Variants in TSC2 observed in about 807,000 individuals in gnomAD.
The protein encoded by TSC2 is tuberin.
Under a neutral mutation model 202.2 loss-of-function variants are expected in TSC2, and 29 were observed. The ratio of observed to expected loss-of-function variants is 0.14; its 90% CI spans 0.11 to 0.20. TSC2 has a LOEUF of 0.20. TSC2 is among the 10% of genes least tolerant of loss of function. The probability of loss-of-function intolerance (pLI) is 1.00; values close to 1 mark genes in which losing one functional copy is unlikely to be tolerated. For synonymous variants in TSC2, 1,349 were observed against 1,044.0 expected (o/e 1.29, Z -5.63); for missense variants, 2,429 against 2,420.0 (o/e 1.00, Z -0.08).
intron 26 of TSC2, 62 bp downstream of exon 26, chr16:2,077,788 G>A (rs1313518340): frequency 2.9e-5 from 46 of 1,602,994 alleles, no homozygotes; most frequent in Admixed American, 6.7e-5. Flanking sequence ...GCACCTGGGT[G>A]GCAGTGCATG....
At chr16:2,072,701 G>A (rs2088656309) in intron 20 of TSC2, 148 bp from the exon 21 acceptor site, 1 of 1,331,192 alleles carries the variant, frequency 7.5e-7, no homozygotes, top group African/African-American at 1.5e-5. Context: ...CTCCGAAAGG[G>A]AGGCCCTTCC....
intron 26 of TSC2, 70 bp from the exon 27 acceptor site, chr16:2,078,962 G>T (rs1444979905): frequency 1.9e-6 from 3 of 1,601,334 alleles, no homozygotes; most frequent in Middle Eastern, 1.7e-4. Context: ...TTGAGCTTTG[G>T]CCCTTGGTGA....
chr16:2,064,497 C>G, intron 15 of TSC2, 70 bp downstream of exon 15: 3 of 1,606,298 alleles, frequency 1.9e-6, no homozygotes, highest in Non-Finnish European at 2.5e-6. Flanking sequence ...GGCCTCTGGG[C>G]CCTCTGTCCT....
chr16:2,070,052 G>C (rs571198732), intron 16 of TSC2, among the ~76,000 whole-genome samples: 9 of 152,180 alleles, frequency 5.9e-5, no homozygotes, highest in East Asian at 5.8e-4. Flanking sequence ...TGCTGGCCTC[G>C]GCCCCAGGGT....
At chr16:2,070,683 G>A in intron 17 of TSC2, 105 bp downstream of exon 17, 1 of 1,559,780 alleles carries the variant, frequency 6.4e-7, no homozygotes, top group Non-Finnish European at 8.7e-7. Context: ...CCAGGATGGG[G>A]CCTCAGCTGA....
intron 32 of TSC2, chr16:2,083,299 TC>T (rs1290541155): frequency 1.1e-5 from 5 of 456,670 alleles, no homozygotes; most frequent in African/African-American, 5.9e-5. Flanking sequence ...AACAGGGACT[TC>T]CCCCACGTCA....
At position 2,088,853 on chromosome 16, in the gene TSC2, C is replaced by T. The variant is rs1056551211; in HGVS notation, c.*243C>T. On this transcript the variant is annotated 3_prime_UTR_variant, in exon 42 of 42. Transcript: ENST00000219476. ...CCGAGGGCCTTGAGGCTGCCTGGGCCATACAGCACACTCGCGCGTGCGCGC... is the reference window on the plus strand; with the variant it reads ...CCGAGGGCCTTGAGGCTGCCTGGGCTATACAGCACACTCGCGCGTGCGCGC... The T allele has an allele frequency of 3.5e-6, 2 of 575,248 alleles. No homozygotes were observed. The highest frequency in any genetic ancestry group is 6.2e-6 in the Non-Finnish European group (2 of 323,924). 35.6% of individuals were successfully genotyped at this position (575,248 alleles called of 1,614,324 possible).
At position 2,081,813 on chromosome 16, in the gene TSC2, G is replaced by A. The variant is rs201225719; in HGVS notation, c.3814+15G>A. 66 of 1,611,318 alleles carry A rather than the reference G, an allele frequency of 4.1e-5. 2 individuals carry two copies. In the South Asian group the frequency reaches 5.4e-4, roughly 13 times the overall value. On this transcript the variant is annotated intron_variant, in intron 31 of 41. Transcript: ENST00000219476. ...CTCCAACACAGGTGAGTGGCATGGCGGGCCTTGGCACGGGCTCTGCTCCCA... is the reference window on the plus strand; with the variant it reads ...CTCCAACACAGGTGAGTGGCATGGCAGGCCTTGGCACGGGCTCTGCTCCCA...
At chr16:2,076,913 C>T (rs1327548628) in intron 25 of TSC2, among the ~76,000 whole-genome samples, 3 of 152,156 alleles carry the variant, frequency 2.0e-5, no homozygotes, top group African/African-American at 7.2e-5. Flanking sequence ...CAGCCTGCTG[C>T]TAGCCGGGGA....
At chr16:2,064,565 G>A (rs985669350) in intron 15 of TSC2, 138 bp downstream of exon 15, 51 of 1,379,910 alleles carry the variant, frequency 3.7e-5, no homozygotes, top group Non-Finnish European at 4.1e-5. Flanking sequence ...CCTGCAGGGT[G>A]GGTGTCCCGA....
At position 2,061,873 on chromosome 16, in the gene TSC2, C is replaced by A; in HGVS notation, c.1122C>A (p.Thr374=). The A allele has an allele frequency of 6.2e-7, 1 of 1,614,120 alleles. No homozygotes were observed. Among genetic ancestry groups the A allele is most frequent in the Non-Finnish European group, 8.5e-7 (1 of 1,180,030 alleles). The part of the protein sequence containing the change: ...IIERLLQQLQ[T]LDSPELRTIV... ...TGTCATCGTGCCTGGTACTGCAGACCTTGGACAGCCCGGAGCTCAGGACCA... is the reference window on the plus strand; with the variant it reads ...TGTCATCGTGCCTGGTACTGCAGACATTGGACAGCCCGGAGCTCAGGACCA... Residue 374 remains threonine (T), a splice_region_variant and synonymous_variant, in exon 12 of 42, where the codon ACC becomes ACA. Coordinates refer to ENST00000219476, the MANE Select transcript of TSC2 (RefSeq NM_000548.5).
Position 2,055,501 on chromosome 16 carries a change from A to G in TSC2, c.581A>G (p.Tyr194Cys), listed in dbSNP as rs1555498219. 1.2e-6 allele frequency: 2 copies of G among 1,614,124 alleles called. No homozygotes were observed. Among genetic ancestry groups the G allele is most frequent in the East Asian group, 2.2e-5 (1 of 44,884 alleles). The change falls in exon 6 of 42, where the codon TAC becomes TGC. Residue 194 changes from tyrosine to cysteine, a missense_variant. Coordinates refer to ENST00000219476, the MANE Select transcript of TSC2 (RefSeq NM_000548.5). ...TTCAATAGCTGTTACCTCGACGAGT[A>G]CATCGCAAGGATGGTTCAGTAAGAA... ...VKFNSCYLDE[Y>C]IARMVQMICL...
intron 9 of TSC2, among the ~76,000 whole-genome samples, chr16:2,058,462 C>G (rs554942737): frequency 2.0e-5 from 3 of 152,348 alleles, no homozygotes; most frequent in African/African-American, 7.2e-5. Flanking sequence ...CCTGTCTCCC[C>G]CAGACTGCGA....
chr16:2,054,809 C>G, intron 5 of TSC2: 1 of 377,404 alleles, frequency 2.6e-6, no homozygotes, highest in Non-Finnish European at 5.0e-6. Context: ...CTTTGTGGAC[C>G]TTCCTCCTGC....
At chr16:2,052,243 G>C (rs1202479990) in intron 3 of TSC2, among the ~76,000 whole-genome samples, 1 of 124,208 alleles carries the variant, frequency 8.1e-6, no homozygotes, top group African/African-American at 3.5e-5. Flanking sequence ...GACAAAGGAG[G>C]TGAGAGTGCC....
rs771052700 is a variant in TSC2, at chr16:2,084,293, C to T, written c.4071C>T (p.Ile1357=). ...CGGAGGAGCTGGTTGGCAGGGGCATCCCCATCGAGCGAGTCGTCTCCTCGG... is the reference window on the plus strand; with the variant it reads ...CGGAGGAGCTGGTTGGCAGGGGCATTCCCATCGAGCGAGTCGTCTCCTCGG... ...LHAEELVGRG[I]PIERVVSSEG... The change falls in exon 34 of 42, where the codon ATC becomes ATT. Residue 1357 remains isoleucine, a synonymous_variant. Transcript: ENST00000219476. 6.2e-7 allele frequency: 1 copy of T among 1,612,472 alleles called. No individual in the cohort carries two copies. Among genetic ancestry groups the T allele is most frequent in the East Asian group, 2.2e-5 (1 of 44,876 alleles).
intron 34 of TSC2, 111 bp from the exon 35 acceptor site, chr16:2,084,840 C>G: frequency 6.2e-7 from 1 of 1,600,498 alleles, no homozygotes; most frequent in Non-Finnish European, 8.5e-7. Flanking sequence ...GGCTGGAACC[C>G]CTGGGAGGGC....
rs2240689 is a variant in TSC2 at position 2,074,127 on chromosome 16, G to A, written c.2356-73G>A. 51 of 1,590,096 alleles carry A rather than the reference G, an allele frequency of 3.2e-5. No homozygotes were observed. The East Asian group carries it at 6.9e-4, about 22-fold the overall frequency. On this transcript the variant is annotated intron_variant, in intron 21 of 41. Transcript: ENST00000219476. ...CGGCTGTTCTCCCGGTGGAGCACTC[G>A]AGGTTGGCGAGGGGTAGGCGAGGCT...
chr16:2,048,503 G>A lies in TSC2; in HGVS notation c.-29-84G>A, dbSNP rs1044532442. 18 of 1,552,834 alleles carry A rather than the reference G, an allele frequency of 1.2e-5. No homozygotes were observed. In the African/African-American group the frequency reaches 2.0e-4, roughly 18 times the overall value. ...AAAGGTTATGCCCACCAGAGACCCA[G>A]GGTCCTGACGGCTGGAGGTCCGCAG... On this transcript the variant is annotated intron_variant, in intron 1 of 41. Transcript: ENST00000219476.
Sources: gnomAD v4.1 joint callset for allele counts (sites outside exome capture counted in the v4.1 genomes callset) on GRCh38, gnomAD v4.1.1 for gene constraint, MANE v1.5 for transcripts, NCBI Gene and HGNC (gene_info 2026-07-23, HGNC 2026-07-21) for gene names.